The following RBFOX1 variants were observed in gnomAD, a reference collection of about 807,000 sequenced individuals.
RBFOX1 encodes the protein RNA binding protein fox-1 homolog 1.
A neutral mutation model predicts 57.7 loss-of-function variants in RBFOX1; 8 were observed. The observed-to-expected ratio is 0.14, with a 90% CI of 0.08 to 0.25. RBFOX1 has a LOEUF of 0.25. RBFOX1 is among the 10% of genes least tolerant of loss of function. RBFOX1 has a pLI of 1.00. For synonymous variants in RBFOX1, 326 were observed against 222.4 expected (o/e 1.47, Z -4.15); for missense variants, 611 against 548.5 (o/e 1.11, Z -1.14).
At chr16:5,506,677 G>A (rs897704555) in intron 2 of RBFOX1, among the ~76,000 whole-genome samples, 5 of 152,026 alleles carry the variant, frequency 3.3e-5, no homozygotes, top group Non-Finnish European at 5.9e-5. Context: ...TGGAGATGAC[G>A]CCACAGAGAA....
chr16:5,940,756 T>C (rs1351377018), intron 4 of RBFOX1, among the ~76,000 whole-genome samples: 1 of 152,046 alleles, frequency 6.6e-6, no homozygotes, highest in Non-Finnish European at 1.5e-5. Flanking sequence ...GAGAAATAAA[T>C]TCTTTGCTGA....
intron 4 of RBFOX1, among the ~76,000 whole-genome samples, chr16:7,136,279 A>C (rs1340735114): frequency 2.0e-5 from 3 of 152,166 alleles, no homozygotes; most frequent in African/African-American, 7.2e-5. Flanking sequence ...AGTTTAATGA[A>C]ATCAACAGTT....
rs193094642 is a variant in RBFOX1, at chr16:6,831,241, C to T, written c.-16+176591C>T. On this transcript the variant is annotated intron_variant, in intron 3 of 15. Coordinates refer to ENST00000550418, the MANE Select transcript of RBFOX1 (RefSeq NM_018723.4). ...ACCTTAAACCTTGGCTTGACTTGGT[C>T]GAATTTTAACTCTATTCTTGGCTCA... is the stretch of plus-strand genomic sequence containing the variant. Among the ~76,000 whole-genome samples, 12 of 152,284 alleles carry T rather than the reference C, an allele frequency of 7.9e-5. No individual in the cohort carries two copies. In the East Asian group the frequency reaches 1.9e-3, roughly 24 times the overall value.
At chr16:6,071,856 G>A (rs894851312) in intron 1 of RBFOX1, among the ~76,000 whole-genome samples, 100 of 152,204 alleles carry the variant, frequency 6.6e-4, no homozygotes, top group African/African-American at 2.3e-3. Context: ...TCTGTGACTG[G>A]CTTATTTCAC....
downstream of RBFOX1, chr16:5,601,731 A>G (rs1431822482): frequency 6.6e-6 from 1 of 152,262 alleles, no homozygotes; most frequent in African/African-American, 2.4e-5. Flanking sequence ...GGAGCAGGAA[A>G]GTGACTTACT....
intron 2 of RBFOX1, 39 bp from the exon 3 acceptor site, chr16:6,654,564 T>A (rs2098632290): frequency 6.8e-7 from 1 of 1,468,782 alleles, no homozygotes; most frequent in Admixed American, 2.4e-5. Flanking sequence ...CTGACTCCTG[T>A]TCTTTCTCTC....
chr16:7,301,284 G>C (rs1053709467), intron 4 of RBFOX1, among the ~76,000 whole-genome samples: 6 of 152,238 alleles, frequency 3.9e-5, no homozygotes, highest in Non-Finnish European at 5.9e-5. Flanking sequence ...TTTATGGGAA[G>C]GGGACTTGTC....
chr16:7,247,952 C>T (rs528058531), intron 4 of RBFOX1, among the ~76,000 whole-genome samples: 5 of 152,168 alleles, frequency 3.3e-5, no homozygotes, highest in Admixed American at 1.3e-4. Context: ...AGGCTTAATA[C>T]CTGGGTGATG....
At position 6,876,434 on chromosome 16, in the gene RBFOX1, A is replaced by C. The variant is rs113548951; in HGVS notation, c.-15-175623A>C. ...AATTAGCTGAAACAAAGTCACTCTT[A>C]AAAATGAAGTGATATCAAAAATCAC... On this transcript the variant is annotated intron_variant, in intron 3 of 15. Coordinates refer to ENST00000550418, the MANE Select transcript of RBFOX1 (RefSeq NM_018723.4). 5.2e-4 allele frequency among the ~76,000 whole-genome samples: 5 copies of C among 9,610 alleles called. No homozygotes were observed. The African/African-American group carries it at 7.2e-3, about 14-fold the overall frequency. 6.3% of individuals were successfully genotyped at this position (9,610 alleles called of 152,430 possible).
chr16:6,833,247 C>T (rs964346879), intron 3 of RBFOX1, among the ~76,000 whole-genome samples: 1 of 151,878 alleles, frequency 6.6e-6, no homozygotes, highest in Non-Finnish European at 1.5e-5. Flanking sequence ...CTCATTACAA[C>T]CTCCGCCTCC....
At chr16:7,171,744 C>G (rs368369918) in intron 4 of RBFOX1, among the ~76,000 whole-genome samples, 164 of 152,306 alleles carry the variant, frequency 1.1e-3, no homozygotes, top group African/African-American at 3.6e-3. Context: ...ACTGTAATAA[C>G]TCATTATCAA....
intron 3 of RBFOX1, among the ~76,000 whole-genome samples, chr16:5,663,479 A>G (rs2049725451): frequency 6.6e-6 from 1 of 152,012 alleles, no homozygotes; most frequent in Non-Finnish European, 1.5e-5. Flanking sequence ...TGCTGGTATT[A>G]AATGCATGAG....
At chr16:6,830,858 T>C (rs1603629956) in intron 3 of RBFOX1, among the ~76,000 whole-genome samples, 2 of 152,188 alleles carry the variant, frequency 1.3e-5, no homozygotes, top group African/African-American at 2.4e-5. Flanking sequence ...CATAAAATTA[T>C]TCAAGATAGT....
intron 2 of RBFOX1, among the ~76,000 whole-genome samples, chr16:5,519,317 C>T (rs1038036806): frequency 3.9e-5 from 6 of 152,322 alleles, no homozygotes; most frequent in African/African-American, 1.4e-4. Flanking sequence ...TGGGGCAGTA[C>T]TTTTACTATC....
chr16:6,747,761 T>C (rs1426703909), intron 3 of RBFOX1, among the ~76,000 whole-genome samples: 2 of 152,112 alleles, frequency 1.3e-5, no homozygotes, highest in Non-Finnish European at 2.9e-5. Flanking sequence ...TGCAAAGAGA[T>C]TCCTGGGAGT....
At chr16:6,906,969 C>T (rs947352276) in intron 3 of RBFOX1, among the ~76,000 whole-genome samples, 1 of 152,046 alleles carries the variant, frequency 6.6e-6, no homozygotes, top group Non-Finnish European at 1.5e-5. Flanking sequence ...AGTGATCAGC[C>T]CACCTCAGCT....
chr16:6,922,854 G>T (rs2074777659), intron 3 of RBFOX1, among the ~76,000 whole-genome samples: 1 of 152,168 alleles, frequency 6.6e-6, no homozygotes, highest in South Asian at 2.1e-4. Context: ...ATCATAGTGA[G>T]CATTTCCATT....
At chr16:6,115,044 C>T (rs2096484219) in intron 1 of RBFOX1, among the ~76,000 whole-genome samples, 2 of 152,042 alleles carry the variant, frequency 1.3e-5, no homozygotes, top group South Asian at 4.2e-4. Context: ...AGGTTGTTGT[C>T]ATGGAAAGGG....
intron 2 of RBFOX1, among the ~76,000 whole-genome samples, chr16:6,630,338 T>C (rs1255027960): frequency 1.3e-5 from 2 of 152,170 alleles, no homozygotes; most frequent in Non-Finnish European, 2.9e-5. Flanking sequence ...AATCCATCCA[T>C]CCATCCATGC....
Sources: gnomAD v4.1 joint callset for allele counts (sites outside exome capture counted in the v4.1 genomes callset) on GRCh38, gnomAD v4.1.1 for gene constraint, MANE v1.5 for transcripts, NCBI Gene and HGNC (gene_info 2026-07-23, HGNC 2026-07-21) for gene names.